Variants in IPO9 observed in about 807,000 individuals in gnomAD.
IPO9 encodes importin-9.
IPO9 carries 28 observed loss-of-function variants against 128.6 expected under a neutral mutation model. That is an observed-to-expected ratio of 0.22 (90% CI 0.16 to 0.30). The LOEUF is 0.30. Among genes scored for constraint, IPO9 ranks in the 10% least tolerant of loss-of-function variants. IPO9 has a pLI of 1.00. For missense variants in IPO9, 935 were observed against 1,293.9 expected (o/e 0.72, Z 4.26); for synonymous variants, 455 against 475.8 (o/e 0.96, Z 0.57).
intron 11 of IPO9, among the ~76,000 whole-genome samples, chr1:201,858,032 A>T (rs1198042268): frequency 1.3e-5 from 2 of 152,252 alleles, no homozygotes; most frequent in Non-Finnish European, 2.9e-5. Context: ...TTCTCTGTTG[A>T]TGAATCACTT....
At position 201,857,821 on chromosome 1, in the gene IPO9, G is replaced by C. The variant is rs115240616; in HGVS notation, c.1222-626G>C. Among the ~76,000 whole-genome samples the C allele has an allele frequency of 3.3e-3, 484 of 148,282 alleles. 3 individuals are homozygous for C. Among genetic ancestry groups the C allele is most frequent in the African/African-American group, 0.011 (458 of 40,656 alleles). On this transcript the variant is annotated intron_variant, in intron 11 of 23. Coordinates refer to ENST00000361565, the MANE Select transcript of IPO9 (RefSeq NM_018085.5). The stretch of plus-strand genomic sequence containing the variant: ...AAAAAAAAAAAAAAAAGCCATTTCA[G>C]TTTAATTCACTCTTCAACAAGAATC...
chr1:201,839,006 G>A lies in IPO9; in HGVS notation c.164-8273G>A, dbSNP rs1207587588. The stretch of plus-strand genomic sequence containing the variant: ...ATGATCTTGGCTCACTGCAACCTCC[G>A]CCTCCTGGATTCAAGCGATTCTCCT... On this transcript the variant is annotated intron_variant, in intron 1 of 23. Coordinates refer to ENST00000361565, the MANE Select transcript of IPO9 (RefSeq NM_018085.5). Among the ~76,000 whole-genome samples, 6 of 150,000 alleles carry A rather than the reference G, an allele frequency of 4.0e-5. No homozygotes were observed. The South Asian group carries it at 1.1e-3, about 26-fold the overall frequency.
Position 201,829,219 on chromosome 1 carries a change from G to A in IPO9, c.10G>A (p.Ala4Thr). 6.4e-7 allele frequency: 1 copy of A among 1,556,500 alleles called. No individual in the cohort carries two copies. The highest frequency in any genetic ancestry group is 8.6e-7 in the Non-Finnish European group (1 of 1,156,180). MAAAAAAGAASGLP... is the reference protein window; with the variant it reads MAATAAAGAASGLP... Reference sequence around the variant, plus strand: ...GCTGAGGGGAGAAAAGATGGCGGCGGCGGCGGCAGCTGGTGCGGCCTCCGG... The same window carrying A: ...GCTGAGGGGAGAAAAGATGGCGGCGACGGCGGCAGCTGGTGCGGCCTCCGG... The change falls in exon 1 of 24, where the codon GCG (alanine) becomes ACG (threonine). Residue 4 changes from alanine to threonine, a missense_variant. Ala to Thr is a moderately conservative substitution (Grantham distance 58). This residue lies in a region of IPO9 where 741 missense variants were observed against 1,019.1 expected (regional missense o/e 0.73). Coordinates refer to ENST00000361565, the MANE Select transcript of IPO9 (RefSeq NM_018085.5).
At chr1:201,851,906 T>G (rs1011733742) in intron 4 of IPO9, among the ~76,000 whole-genome samples, 198 bp from the exon 5 acceptor site, 1 of 152,230 alleles carries the variant, frequency 6.6e-6, no homozygotes, top group Non-Finnish European at 1.5e-5. Context: ...TATTTCCATA[T>G]TATTCTTTCT....
Position 201,874,361 on chromosome 1 carries a change from A to C in IPO9, c.2822A>C (p.Glu941Ala). ...GCCGCTCGCCAGGCCACTCCTGCAGAGTGGAGTCAAGGTGCACCAGGCCCT... is the reference window on the plus strand; with the variant it reads ...GCCGCTCGCCAGGCCACTCCTGCAGCGTGGAGTCAAGGTGCACCAGGCCCT... ...ANAARQATPA[E>A]WSQDDSNDMW... The change falls in exon 21 of 24, where the codon GAG becomes GCG. Residue 941 changes from glutamate to alanine, a missense_variant. By Grantham distance (107) the Glu-to-Ala change is moderately radical (BLOSUM62 -1). Around this residue, in one of 3 missense-constraint regions of IPO9, gnomAD observed 188 missense variants for 246.7 expected, o/e 0.76. Coordinates refer to ENST00000361565, the MANE Select transcript of IPO9 (RefSeq NM_018085.5). The C allele has an allele frequency of 6.2e-7, 1 of 1,613,586 alleles. No homozygotes were observed. The highest frequency in any genetic ancestry group is 8.5e-7 in the Non-Finnish European group (1 of 1,179,676).
intron 21 of IPO9, 40 bp downstream of exon 21, chr1:201,874,412 C>G (rs749819083): frequency 6.4e-7 from 1 of 1,567,954 alleles, no homozygotes; most frequent in Admixed American, 2.0e-5. Flanking sequence ...TTTAGCCTGG[C>G]AGATCAAGTT....
chr1:201,866,747 T>C lies in IPO9; in HGVS notation c.1643T>C (p.Leu548Pro), dbSNP rs1419145666. The C allele has an allele frequency of 3.1e-6, 5 of 1,613,768 alleles. No individual in the cohort carries two copies. Among genetic ancestry groups the C allele is most frequent in the Non-Finnish European group, 4.2e-6 (5 of 1,179,686 alleles). Residue 548 changes from leucine (L) to proline (P), a missense_variant, in exon 15 of 24, where the codon CTG becomes CCG. By Grantham distance (98) the Leu-to-Pro change is moderately conservative. Transcript: ENST00000361565. ...TCTCTCTCTAGTTATTGTGACCAAC[T>C]GAAAGTCTCAGAGAGTACCCACGTG... ...VRAIWGYCDQ[L>P]KVSESTHVLQ... is the part of the protein sequence containing the mutation.
Position 201,866,857 on chromosome 1 carries a change from G to A in IPO9, c.1753G>A (p.Glu585Lys), listed in dbSNP as rs760101624. The part of the protein sequence containing the change: ...FSSEVLNLVM[E>K]TLCIVCTVDP... Reference sequence around the variant, plus strand: ...CTCAGAGGTCCTCAACCTGGTGATGGAGACCCTGTGCATCGTTTGTACAGT... The same window carrying A: ...CTCAGAGGTCCTCAACCTGGTGATGAAGACCCTGTGCATCGTTTGTACAGT... Residue 585 changes from glutamate (E) to lysine (K), a missense_variant, in exon 15 of 24, where the codon GAG becomes AAG. Glu to Lys is a moderately conservative substitution (Grantham distance 56). Coordinates refer to ENST00000361565, the MANE Select transcript of IPO9 (RefSeq NM_018085.5). 6.2e-7 allele frequency: 1 copy of A among 1,614,154 alleles called. No individual in the cohort carries two copies. The highest frequency in any genetic ancestry group is 8.5e-7 in the Non-Finnish European group (1 of 1,180,038).
In IPO9 at chr1:201,870,875, G is replaced by C; in HGVS notation, c.2409+17G>C. On this transcript the variant is annotated intron_variant, in intron 18 of 23. Transcript: ENST00000361565. This position sits in a 1 kb window ranked among gnomAD's most constrained non-coding sequence, Gnocchi z 4.9. Reference sequence around the variant, plus strand: ...GTCATGCAGGTAAGAGAGCAGTGGGGAGTGGGCTTCCTACTCCCTGGCTGA... The same window carrying C: ...GTCATGCAGGTAAGAGAGCAGTGGGCAGTGGGCTTCCTACTCCCTGGCTGA... 6.3e-7 allele frequency: 1 copy of C among 1,591,782 alleles called. No individual in the cohort carries two copies. The highest frequency in any genetic ancestry group is 8.6e-7 in the Non-Finnish European group (1 of 1,167,212).
Position 201,876,073 on chromosome 1 carries a change from A to G in IPO9, c.*19A>G. The G allele has an allele frequency of 1.3e-6, 2 of 1,521,946 alleles. No homozygotes were observed. The highest frequency in any genetic ancestry group is 1.8e-6 in the Non-Finnish European group (2 of 1,096,014). 94.3% of individuals were successfully genotyped at this position (1,521,946 alleles called of 1,614,324 possible). A position where few individuals can be genotyped will look rare whatever the true frequency, so the allele number is the denominator to read the frequency against. ...CATCTAAAAAGGGGAGCCTTTCTAC[A>G]TTTGCTCCTTCTGGGCCAGCCGCAA... On this transcript the variant is annotated 3_prime_UTR_variant, in exon 24 of 24. Transcript: ENST00000361565.
chr1:201,871,639 C>T (rs554460629), intron 19 of IPO9, among the ~76,000 whole-genome samples: 25 of 152,176 alleles, frequency 1.6e-4, no homozygotes, highest in African/African-American at 5.8e-4. Flanking sequence ...GTGATCCACC[C>T]ACTTCGGCCT....
Position 201,870,268 on chromosome 1 carries a change from G to A in IPO9, c.2134-315G>A, listed in dbSNP as rs972674574. Among the ~76,000 whole-genome samples, 67 of 152,098 alleles carry A rather than the reference G, an allele frequency of 4.4e-4. No homozygotes were observed. The highest frequency in any genetic ancestry group is 1.6e-3 in the African/African-American group (67 of 41,392). ...ATCCCCAGTTATTCCAAGATTGTAA[G>A]CATATTTTTTTAGTACCAGAGGTAG... On this transcript the variant is annotated intron_variant, in intron 17 of 23. Transcript: ENST00000361565. The surrounding 1 kb of genome is among the most constrained non-coding windows in gnomAD (Gnocchi z 4.9).
intron 1 of IPO9, among the ~76,000 whole-genome samples, chr1:201,830,160 A>G (rs1679806992): frequency 6.6e-6 from 1 of 152,218 alleles, no homozygotes; most frequent in Non-Finnish European, 1.5e-5. Flanking sequence ...TGTAGCTACC[A>G]CAAAGAACAA....
chr1:201,870,571 CT>C lies in IPO9; in HGVS notation c.2134-11del, dbSNP rs765399740. Reference sequence around the variant, plus strand: ...CGATTACTAATCTTGCTTGCCACCCCTGTCTCCCCAGAATGGCGGAGAGTGC... The same window carrying C: ...CGATTACTAATCTTGCTTGCCACCCCGTCTCCCCAGAATGGCGGAGAGTGC... On this transcript the variant is annotated splice_polypyrimidine_tract_variant and intron_variant, in intron 17 of 23. Coordinates refer to ENST00000361565, the MANE Select transcript of IPO9 (RefSeq NM_018085.5). The surrounding 1 kb of genome is among the most constrained non-coding windows in gnomAD (Gnocchi z 4.9). 6 of 1,606,042 alleles carry C rather than the reference CT, an allele frequency of 3.7e-6. No individual in the cohort carries two copies. The highest frequency in any genetic ancestry group is 4.3e-6 in the Non-Finnish European group (5 of 1,173,810).
chr1:201,861,510 T>G (rs778299399), intron 13 of IPO9, among the ~76,000 whole-genome samples: 10 of 152,248 alleles, frequency 6.6e-5, no homozygotes, highest in Non-Finnish European at 1.0e-4. Context: ...CTGAGCATGT[T>G]TAAGGTAGGC....
At chr1:201,829,408 C>G (rs1166695776) in intron 1 of IPO9, 36 bp downstream of exon 1, 1 of 1,508,014 alleles carries the variant, frequency 6.6e-7, no homozygotes, top group Non-Finnish European at 8.9e-7. Context: ...GATGGCTCAG[C>G]CGCACAATCC....
Position 201,858,524 on chromosome 1 carries a change from G to A in IPO9, c.1299G>A (p.Glu433=). The A allele has an allele frequency of 6.3e-7, 1 of 1,590,588 alleles. No individual in the cohort carries two copies. The highest frequency in any genetic ancestry group is 8.6e-7 in the Non-Finnish European group (1 of 1,168,922). The part of the protein sequence containing the change: ...AAATRHLQEA[E]QTKNSGTEHW... ...CCACTCGACATTTACAAGAAGCTGA[G>A]CAAACCAAAAACAGTGGCACTGAGC... is the stretch of plus-strand genomic sequence containing the variant. Residue 433 remains glutamate, a synonymous_variant, in exon 12 of 24, where the codon GAG becomes GAA. Coordinates refer to ENST00000361565, the MANE Select transcript of IPO9 (RefSeq NM_018085.5).
In IPO9 at chr1:201,874,768, T is replaced by A. The variant is rs1277542591; in HGVS notation, c.2834-64T>A. ...TGGGGCCCTTCTATTCTGGCCTATTTGGATTTGGGGAGGGAAAATGCATGA... is the reference window on the plus strand; with the variant it reads ...TGGGGCCCTTCTATTCTGGCCTATTAGGATTTGGGGAGGGAAAATGCATGA... On this transcript the variant is annotated intron_variant, in intron 21 of 23. Coordinates refer to ENST00000361565, the MANE Select transcript of IPO9 (RefSeq NM_018085.5). The A allele has an allele frequency of 3.1e-5, 35 of 1,142,196 alleles. 1 individual carries two copies. The highest frequency in any genetic ancestry group is 2.8e-4 in the South Asian group (22 of 79,732). The allele number at this position is 1,142,196 out of a possible 1,614,324, so 70.8% of individuals were successfully genotyped here. A position where few individuals can be genotyped will look rare whatever the true frequency, so the allele number is the denominator to read the frequency against.
chr1:201,832,447 C>T (rs890101419), intron 1 of IPO9, among the ~76,000 whole-genome samples: 3 of 152,178 alleles, frequency 2.0e-5, no homozygotes, highest in African/African-American at 4.8e-5. Context: ...TTAGCAGAGG[C>T]GGAGTTTAGC....
Sources: allele counts gnomAD v4.1 joint callset (sites outside exome capture counted in the v4.1 genomes callset), GRCh38; gene constraint gnomAD v4.1.1; regional missense constraint gnomAD v4.1.1; non-coding constraint Gnocchi (gnomAD v3.1); transcripts MANE v1.5; gene names NCBI Gene and HGNC (gene_info 2026-07-23, HGNC 2026-07-21).